RYR1: variants seen among roughly 807,000 people sequenced by gnomAD.
The protein encoded by RYR1 is ryanodine receptor 1, also known as central core disease of muscle.
In RYR1, 342 loss-of-function variants were observed where a neutral mutation model predicts 583.5. The ratio of observed to expected loss-of-function variants is 0.59; its 90% CI spans 0.54 to 0.64. The LOEUF (loss-of-function observed/expected upper bound fraction) is 0.64. Among genes scored for constraint, RYR1 ranks in the 30% least tolerant of loss-of-function variants. The pLI, the probability that RYR1 is intolerant of heterozygous loss-of-function variation, is 0.00. For synonymous variants in RYR1, 2,791 were observed against 2,822.5 expected (o/e 0.99, Z 0.35); for missense variants, 6,032 against 6,917.2 (o/e 0.87, Z 4.54).
chr19:38,443,262 T>A (rs1972780417), intron 3 of RYR1, among the ~76,000 whole-genome samples: 1 of 151,868 alleles, frequency 6.6e-6, no homozygotes, highest in Non-Finnish European at 1.5e-5. Flanking sequence ...AGAAGACGGG[T>A]TCATTCTCCT....
At position 38,585,108 on chromosome 19, in the gene RYR1, T is replaced by C. The variant is rs774850935; in HGVS notation, c.14803+9T>C. The C allele has an allele frequency of 3.7e-6, 6 of 1,613,418 alleles. No individual in the cohort carries two copies. The highest frequency in any genetic ancestry group is 5.1e-6 in the Non-Finnish European group (6 of 1,179,700). ...GTTGGCCATCATCCAGGGTCAGTGC[T>C]GGGAGTGGGCGCTCAGGGCCCGGAG... On this transcript the variant is annotated intron_variant, in intron 102 of 105. Coordinates refer to ENST00000359596, the MANE Select transcript of RYR1 (RefSeq NM_000540.3).
intron 102 of RYR1, among the ~76,000 whole-genome samples, chr19:38,585,622 T>C (rs111925649): frequency 0.011 from 1,627 of 151,708 alleles, 28 homozygotes; most frequent in African/African-American, 0.038. Flanking sequence ...TACAGGCACA[T>C]GCTACCACAC....
intron 29 of RYR1, among the ~76,000 whole-genome samples, chr19:38,477,182 A>C (rs1431038961): frequency 6.6e-6 from 1 of 152,100 alleles, no homozygotes; most frequent in Non-Finnish European, 1.5e-5. Context: ...TCACTCTGTC[A>C]CCCAGGCTGG....
intron 29 of RYR1, among the ~76,000 whole-genome samples, chr19:38,476,444 G>A (rs1374016365): frequency 6.6e-6 from 1 of 152,010 alleles, no homozygotes; most frequent in Middle Eastern, 3.2e-3. Flanking sequence ...TGGTCTACCC[G>A]CCTCGGTCTC....
intron 20 of RYR1, among the ~76,000 whole-genome samples, chr19:38,460,877 C>T (rs1046423666): frequency 1.3e-5 from 2 of 152,154 alleles, no homozygotes; most frequent in African/African-American, 2.4e-5. Context: ...CCCAGCTACT[C>T]GGGAGACTGA....
chr19:38,443,873 C>T lies in RYR1; in HGVS notation c.424+77C>T. Reference sequence around the variant, plus strand: ...CAGGGGGTAGAAGGTCTGCAGAACGCCAAGGCAAGCATGAGACTACCCTGG... The same window carrying T: ...CAGGGGGTAGAAGGTCTGCAGAACGTCAAGGCAAGCATGAGACTACCCTGG... On this transcript the variant is annotated intron_variant, in intron 5 of 105. Coordinates refer to ENST00000359596, the MANE Select transcript of RYR1 (RefSeq NM_000540.3). 12 of 1,361,084 alleles carry T rather than the reference C, an allele frequency of 8.8e-6. No homozygotes were observed. The South Asian group carries it at 1.3e-4, about 15-fold the overall frequency. 84.3% of individuals were successfully genotyped at this position (1,361,084 alleles called of 1,614,324 possible). A position where few individuals can be genotyped will look rare whatever the true frequency, so the allele number is the denominator to read the frequency against.
chr19:38,468,932 C>T (rs1474038606), intron 25 of RYR1, 34 bp from the exon 26 acceptor site: 1 of 1,610,356 alleles, frequency 6.2e-7, no homozygotes. Context: ...CTGTGTGTCT[C>T]CCCACACCAT....
chr19:38,529,427 C>T (rs1323670915), intron 76 of RYR1, among the ~76,000 whole-genome samples: 1 of 152,124 alleles, frequency 6.6e-6, no homozygotes, highest in Non-Finnish European at 1.5e-5. Context: ...TTGCAGTGAG[C>T]CGAGATCATA....
intron 67 of RYR1, among the ~76,000 whole-genome samples, chr19:38,520,811 A>AATTG (rs1971196442): frequency 6.6e-6 from 1 of 152,126 alleles, no homozygotes; most frequent in South Asian, 2.1e-4. Flanking sequence ...AATATGAACA[A>AATTG]ATTGTGGTTT....
rs775895899 is a variant in RYR1 at position 38,519,282 on chromosome 19, G to C, written c.10087G>C (p.Gly3363Arg). The C allele has an allele frequency of 1.2e-6, 2 of 1,614,082 alleles. No homozygotes were observed. The highest frequency in any genetic ancestry group is 1.7e-6 in the Non-Finnish European group (2 of 1,180,002). The stretch of plus-strand genomic sequence containing the variant: ...GCAGTCCCACTTCATCCCAACTATC[G>C]GGCGGCTGCGCAAGAGGGCAGGGAA... The part of the protein sequence containing the change: ...LLQSHFIPTI[G>R]RLRKRAGKVV... Residue 3363 changes from glycine to arginine, a missense_variant, in exon 67 of 106, where the codon GGG becomes CGG. Physicochemically the swap from Gly to Arg is moderately radical, Grantham distance 125. Transcript: ENST00000359596.
Position 38,548,104 on chromosome 19 carries a change from G to C in RYR1, c.12095-129G>C, listed in dbSNP as rs2945046. On this transcript the variant is annotated intron_variant, in intron 88 of 105. Transcript: ENST00000359596. ...GACGCAGGTCAGGAAGGGACCTGTG[G>C]AGGGGAGGCTGTGGCTGGCCAGGGA... 0.049 allele frequency: 48,311 copies of C among 982,350 alleles called. 2,846 individuals carry two copies. Among genetic ancestry groups the C allele is most frequent in the African/African-American group, 0.25 (15,756 of 62,540 alleles). The allele number at this position is 982,350 out of a possible 1,614,324, so 60.9% of individuals were successfully genotyped here.
intron 1 of RYR1, among the ~76,000 whole-genome samples, chr19:38,435,241 C>A (rs1972375755): frequency 6.6e-6 from 1 of 152,208 alleles, no homozygotes; most frequent in Non-Finnish European, 1.5e-5. Context: ...TAGAATCACT[C>A]ACCCAAGGTC....
chr19:38,586,026 C>T (rs1449062600), intron 103 of RYR1, 24 bp downstream of exon 103: 8 of 1,613,920 alleles, frequency 5.0e-6, no homozygotes, highest in African/African-American at 1.3e-5. Context: ...GGGGGTGACC[C>T]AGAGGGATTA....
At chr19:38,505,441 C>A (rs972434233) in intron 53 of RYR1, 43 bp downstream of exon 53, 1 of 1,395,816 alleles carries the variant, frequency 7.2e-7, no homozygotes, top group Non-Finnish European at 1.0e-6. Context: ...CAAAATGAAA[C>A]CCCCAAATTT....
chr19:38,572,130 G>A lies in RYR1; in HGVS notation c.13858G>A (p.Ala4620Thr), dbSNP rs1490011025. Residue 4620 changes from alanine to threonine, a missense_variant, in exon 95 of 106, where the codon GCA becomes ACA. Transcript: ENST00000359596. ...CTGGGGCTTGGGGGCCGGAGAGGAGGCAGAGGGCGATGAGGATGAGAACAT... is the reference window on the plus strand; with the variant it reads ...CTGGGGCTTGGGGGCCGGAGAGGAGACAGAGGGCGATGAGGATGAGAACAT... ...SGWGLGAGEE[A>T]EGDEDENMVY... is the part of the protein sequence containing the mutation. 8 of 1,613,858 alleles carry A rather than the reference G, an allele frequency of 5.0e-6. No individual in the cohort carries two copies. The South Asian group carries it at 8.8e-5, about 18-fold the overall frequency.
At chr19:38,459,412 C>T in intron 19 of RYR1, 74 bp downstream of exon 19, 3 of 1,423,428 alleles carry the variant, frequency 2.1e-6, no homozygotes, top group Non-Finnish European at 2.9e-6. Context: ...CCAGTCACTC[C>T]ATGGTCCCCC....
chr19:38,541,828 A>G (rs1045370029), intron 84 of RYR1, among the ~76,000 whole-genome samples: 5 of 152,098 alleles, frequency 3.3e-5, no homozygotes, highest in African/African-American at 1.2e-4. Context: ...CATGTCTGTA[A>G]TCCCAGCACT....
rs1428623666 is a variant in RYR1 at position 38,463,424 on chromosome 19, T to C, written c.2579T>C (p.Ile860Thr). 1.2e-6 allele frequency: 2 copies of C among 1,613,792 alleles called. No homozygotes were observed. The highest frequency in any genetic ancestry group is 1.7e-6 in the Non-Finnish European group (2 of 1,179,928). Residue 860 changes from isoleucine to threonine, a missense_variant and splice_region_variant, in exon 21 of 106, where the codon ATT becomes ACT. Ile to Thr is a moderately conservative substitution (Grantham distance 89, BLOSUM62 -1). Coordinates refer to ENST00000359596, the MANE Select transcript of RYR1 (RefSeq NM_000540.3). The part of the protein sequence containing the change: ...FVPCPVDTVQ[I>T]VLPPHLERIR... ...TCAAGAACGTCCCTCTGCCTCTAGA[T>C]TGTCCTGCCGCCCCATCTGGAGCGC...
In RYR1 at chr19:38,459,237, C is replaced by G. The variant is rs1292606126; in HGVS notation, c.2259C>G (p.Ser753=). 6.2e-7 allele frequency: 1 copy of G among 1,614,128 alleles called. No homozygotes were observed. Among genetic ancestry groups the G allele is most frequent in the South Asian group, 1.1e-5 (1 of 91,082 alleles). The change falls in exon 19 of 106, where the codon TCC becomes TCG. Residue 753 remains serine (S), a synonymous_variant. Coordinates refer to ENST00000359596, the MANE Select transcript of RYR1 (RefSeq NM_000540.3). The stretch of plus-strand genomic sequence containing the variant: ...GCTGCCTGGACCTCAGCGTGCCGTC[C>G]ATCTCCTTCCGCATCAACGGCTGCC... ...ISCCLDLSVP[S]ISFRINGCPV...
Sources: gnomAD v4.1 joint callset for allele counts (sites outside exome capture counted in the v4.1 genomes callset) on GRCh38, gnomAD v4.1.1 for gene constraint, MANE v1.5 for transcripts, NCBI Gene and HGNC (gene_info 2026-07-23, HGNC 2026-07-21) for gene names.